LRRC4C: variants seen among roughly 807,000 people sequenced by gnomAD.
The protein encoded by LRRC4C is leucine rich repeat containing 4C, also known as leucine-rich repeat-containing protein 4C.
LRRC4C carries 5 observed loss-of-function variants against 33.6 expected under a neutral mutation model. The observed-to-expected ratio is 0.15, with a 90% CI of 0.08 to 0.31. The LOEUF is 0.31. Among genes scored for constraint, LRRC4C ranks in the 10% least tolerant of loss-of-function variants. The pLI is 1.00. For missense variants in LRRC4C, 560 were observed against 796.7 expected (o/e 0.70, Z 3.58); for synonymous variants, 329 against 302.0 (o/e 1.09, Z -0.93).
intron 5 of LRRC4C, among the ~76,000 whole-genome samples, chr11:40,159,145 A>C (rs1485282252): frequency 6.6e-6 from 1 of 151,508 alleles, no homozygotes; most frequent in African/African-American, 2.4e-5. Flanking sequence ...TTTGTACTCC[A>C]AAGAGTCTAA....
intron 3 of LRRC4C, among the ~76,000 whole-genome samples, chr11:40,517,394 G>A (rs1478673650): frequency 6.6e-6 from 1 of 152,108 alleles, no homozygotes. Flanking sequence ...GAAAATGATG[G>A]TAATTTGGAA....
intron 3 of LRRC4C, among the ~76,000 whole-genome samples, chr11:40,585,494 T>C (rs1489419175): frequency 6.6e-6 from 1 of 151,918 alleles, no homozygotes; most frequent in Admixed American, 6.6e-5. Flanking sequence ...TTTTATACTT[T>C]AAGTTTTAGG....
intron 2 of LRRC4C, among the ~76,000 whole-genome samples, chr11:40,806,486 G>C (rs893118537): frequency 6.6e-6 from 1 of 152,164 alleles, no homozygotes; most frequent in Admixed American, 6.5e-5. Context: ...AACTTTTTAG[G>C]ACTTAACCTC....
intron 1 of LRRC4C, among the ~76,000 whole-genome samples, chr11:41,321,564 G>A (rs943768558): frequency 1.3e-5 from 2 of 152,068 alleles, no homozygotes; most frequent in South Asian, 4.1e-4. Flanking sequence ...AATAATAATA[G>A]CTAAGAGCTT....
At chr11:40,561,361 C>CT (rs1437423595) in intron 3 of LRRC4C, among the ~76,000 whole-genome samples, 4 of 148,546 alleles carry the variant, frequency 2.7e-5, no homozygotes, top group Non-Finnish European at 5.9e-5. Context: ...TATCTACTGT[C>CT]TATATGCTCA....
chr11:40,174,189 G>A (rs1860281045), intron 5 of LRRC4C, among the ~76,000 whole-genome samples: 1 of 152,138 alleles, frequency 6.6e-6, no homozygotes. Flanking sequence ...TTTATTATTG[G>A]AAGAGTCTGC....
chr11:40,797,564 A>G (rs1455146943), intron 2 of LRRC4C, among the ~76,000 whole-genome samples: 1 of 152,198 alleles, frequency 6.6e-6, no homozygotes, highest in Non-Finnish European at 1.5e-5. Context: ...TACAGTGATA[A>G]CTTTTATGTG....
chr11:41,454,974 A>G (rs1442199203), intron 1 of LRRC4C, among the ~76,000 whole-genome samples: 1 of 152,102 alleles, frequency 6.6e-6, no homozygotes, highest in African/African-American at 2.4e-5. Context: ...TTCACTCATC[A>G]CAGAATTGCT....
At chr11:40,214,959 C>G (rs2135862586) in intron 5 of LRRC4C, among the ~76,000 whole-genome samples, 1 of 152,220 alleles carries the variant, frequency 6.6e-6, no homozygotes, top group African/African-American at 2.4e-5. Flanking sequence ...CTGGTACTCC[C>G]TGGAGTTGTA....
intron 1 of LRRC4C, among the ~76,000 whole-genome samples, chr11:41,079,119 A>C (rs1215387952): frequency 1.3e-5 from 2 of 152,192 alleles, no homozygotes; most frequent in East Asian, 3.9e-4. Context: ...TAAAAGGCCC[A>C]TATCTTTGGC....
chr11:40,865,650 C>G (rs768209720), intron 2 of LRRC4C, among the ~76,000 whole-genome samples: 5 of 151,594 alleles, frequency 3.3e-5, no homozygotes, highest in Non-Finnish European at 5.9e-5. Flanking sequence ...CCCAAAATCT[C>G]AACAGGTGGG....
chr11:41,250,146 G>A (rs2136635657), intron 1 of LRRC4C, among the ~76,000 whole-genome samples: 1 of 152,216 alleles, frequency 6.6e-6, no homozygotes, highest in East Asian at 1.9e-4. Context: ...TCCAGCCTGG[G>A]CAACAGAGCA....
chr11:40,219,001 A>G (rs1864208727), intron 5 of LRRC4C, among the ~76,000 whole-genome samples: 1 of 152,086 alleles, frequency 6.6e-6, no homozygotes, highest in Non-Finnish European at 1.5e-5. Context: ...ATTTGCTCAA[A>G]TGTCTCTTCA....
intron 5 of LRRC4C, among the ~76,000 whole-genome samples, chr11:40,202,972 C>CT (rs985165502): frequency 5.3e-5 from 8 of 152,140 alleles, no homozygotes; most frequent in Admixed American, 3.3e-4. Flanking sequence ...CATCTATTTA[C>CT]TTTTTTTTGT....
At chr11:41,021,550 A>G (rs1038816495) in intron 1 of LRRC4C, among the ~76,000 whole-genome samples, 17 of 152,106 alleles carry the variant, frequency 1.1e-4, no homozygotes, top group Admixed American at 1.1e-3. Context: ...AACTCAAATT[A>G]CCTACTTTAT....
At chr11:41,102,058 A>G (rs998073590) in intron 1 of LRRC4C, among the ~76,000 whole-genome samples, 2 of 152,098 alleles carry the variant, frequency 1.3e-5, no homozygotes, top group African/African-American at 4.8e-5. Context: ...TTGGTGATGA[A>G]ATAATCTGTA....
intron 2 of LRRC4C, among the ~76,000 whole-genome samples, chr11:40,921,317 C>T (rs1467669722): frequency 6.6e-6 from 1 of 152,114 alleles, no homozygotes; most frequent in Non-Finnish European, 1.5e-5. Flanking sequence ...AGAAAAGTAA[C>T]TAAATCTGTC....
At chr11:40,294,927 G>T (rs1189007129) in intron 4 of LRRC4C, among the ~76,000 whole-genome samples, 1 of 152,156 alleles carries the variant, frequency 6.6e-6, no homozygotes, top group Admixed American at 6.5e-5. Flanking sequence ...CTGCGGTCGA[G>T]CAGGATAATC....
intron 1 of LRRC4C, among the ~76,000 whole-genome samples, chr11:41,164,189 TTA>T (rs201073376): frequency 0.054 from 1,672 of 31,156 alleles, 66 homozygotes; most frequent in African/African-American, 0.063. Context: ...TTTACCTTTT[TTA>T]TTTTTTTTTT....
Sources: gnomAD v4.1 joint callset for allele counts (sites outside exome capture counted in the v4.1 genomes callset) on GRCh38, gnomAD v4.1.1 for gene constraint, MANE v1.5 for transcripts, NCBI Gene and HGNC (gene_info 2026-07-23, HGNC 2026-07-21) for gene names.